COL19A1: variants seen among roughly 807,000 people sequenced by gnomAD.
COL19A1 encodes the protein collagen type XIX alpha 1 chain, also known as collagen alpha-1(XIX) chain.
Under a neutral mutation model 190.2 loss-of-function variants are expected in COL19A1, and 159 were observed. That is an observed-to-expected ratio of 0.84 (90% confidence interval 0.73 to 0.95). The LOEUF (loss-of-function observed/expected upper bound fraction) is 0.95, where lower values mean the gene tolerates loss of function less well. Among genes scored for constraint, COL19A1 ranks in the 40% least tolerant of loss-of-function variants. COL19A1 has a pLI of 0.00. For missense variants in COL19A1, 1,418 were observed against 1,431.9 expected (o/e 0.99, Z 0.16); for synonymous variants, 509 against 458.9 (o/e 1.11, Z -1.39).
intron 1 of COL19A1, among the ~76,000 whole-genome samples, chr6:69,876,513 A>G (rs1329252393): frequency 6.6e-6 from 1 of 152,208 alleles, no homozygotes; most frequent in Non-Finnish European, 1.5e-5. Context: ...TACCTTTTGA[A>G]TATTGACTAA....
At chr6:69,977,736 T>A (rs1030759937) in intron 11 of COL19A1, among the ~76,000 whole-genome samples, 1 of 152,172 alleles carries the variant, frequency 6.6e-6, no homozygotes, top group Non-Finnish European at 1.5e-5. Context: ...ATAATAGATG[T>A]GGCCTCTATC....
intron 11 of COL19A1, among the ~76,000 whole-genome samples, chr6:70,018,910 T>A (rs186441010): frequency 6.6e-6 from 1 of 152,180 alleles, no homozygotes. Context: ...CTACCCCCAT[T>A]TTTCCAGGAT....
intron 39 of COL19A1, 92 bp downstream of exon 39, chr6:70,168,307 G>A (rs151145817): frequency 5.5e-5 from 75 of 1,368,076 alleles, no homozygotes; most frequent in South Asian, 2.5e-4. Flanking sequence ...ACTGAAAAAC[G>A]CATGTTATGA....
At chr6:69,869,563 TG>T (rs1429020142) in intron 1 of COL19A1, among the ~76,000 whole-genome samples, 1 of 150,534 alleles carries the variant, frequency 6.6e-6, no homozygotes, top group Non-Finnish European at 1.5e-5. Flanking sequence ...TGAAAAAAAA[TG>T]GGAAAAAGGA....
intron 2 of COL19A1, among the ~76,000 whole-genome samples, chr6:69,881,911 G>A (rs1768583631): frequency 6.6e-6 from 1 of 152,214 alleles, no homozygotes; most frequent in African/African-American, 2.4e-5. Context: ...GGCCTGGAAG[G>A]AGACCCTTCT....
chr6:69,960,803 G>C (rs1336744543), intron 10 of COL19A1, among the ~76,000 whole-genome samples: 3 of 151,192 alleles, frequency 2.0e-5, no homozygotes, highest in African/African-American at 7.3e-5. Flanking sequence ...ATTTTTTTTT[G>C]TATTTTTTTA....
chr6:70,179,117 G>A (rs1766007681), intron 42 of COL19A1, among the ~76,000 whole-genome samples: 1 of 152,116 alleles, frequency 6.6e-6, no homozygotes, highest in African/African-American at 2.4e-5. Context: ...AACAACTTCA[G>A]CACAGGCAAG....
At chr6:69,960,899 G>A (rs954439167) in intron 10 of COL19A1, among the ~76,000 whole-genome samples, 15 of 152,074 alleles carry the variant, frequency 9.9e-5, no homozygotes, top group Non-Finnish European at 1.9e-4. Flanking sequence ...CCAAAGTGCT[G>A]GGATTACAGG....
intron 2 of COL19A1, chr6:69,890,067 TC>T (rs1435062769): frequency 1.3e-5 from 2 of 152,618 alleles, no homozygotes; most frequent in Non-Finnish European, 2.9e-5. Context: ...AGGAACAAAC[TC>T]CAGACACACC....
chr6:70,170,356 T>C (rs1765424093), intron 40 of COL19A1, among the ~76,000 whole-genome samples: 1 of 152,122 alleles, frequency 6.6e-6, no homozygotes, highest in South Asian at 2.1e-4. Context: ...TTGAGAAGTC[T>C]TTTTGAGGTT....
intron 17 of COL19A1, among the ~76,000 whole-genome samples, chr6:70,129,171 C>T (rs780877971): frequency 4.6e-5 from 7 of 152,052 alleles, no homozygotes; most frequent in African/African-American, 9.7e-5. Context: ...GGTCAGTGGA[C>T]GCAAAAAGCA....
chr6:70,049,557 C>T (rs896663941), intron 14 of COL19A1, among the ~76,000 whole-genome samples: 5 of 151,894 alleles, frequency 3.3e-5, no homozygotes, highest in Non-Finnish European at 7.4e-5. Flanking sequence ...GAGAATAACT[C>T]CTTCTGCCCT....
chr6:70,070,002 G>A (rs1262284984), intron 15 of COL19A1, among the ~76,000 whole-genome samples: 2 of 152,100 alleles, frequency 1.3e-5, no homozygotes, highest in Non-Finnish European at 2.9e-5. Context: ...TGACAACCCT[G>A]TGTAACACCA....
At chr6:69,974,460 T>A (rs1420841900) in intron 11 of COL19A1, among the ~76,000 whole-genome samples, 4 of 152,166 alleles carry the variant, frequency 2.6e-5, no homozygotes, top group Non-Finnish European at 5.9e-5. Context: ...TGTGTACAAA[T>A]GAATCATGCA....
intron 42 of COL19A1, among the ~76,000 whole-genome samples, chr6:70,176,980 C>T (rs1458736627): frequency 6.6e-6 from 1 of 152,182 alleles, no homozygotes; most frequent in East Asian, 1.9e-4. Flanking sequence ...CTGAGTTATT[C>T]CTTAGCCCAG....
chr6:70,097,069 C>A (rs1196983753), intron 15 of COL19A1, among the ~76,000 whole-genome samples: 2 of 152,136 alleles, frequency 1.3e-5, no homozygotes, highest in African/African-American at 2.4e-5. Flanking sequence ...ACAACAAAAA[C>A]CATCTGTCAA....
chr6:69,959,522 C>T (rs918160749), intron 9 of COL19A1, among the ~76,000 whole-genome samples: 1 of 152,072 alleles, frequency 6.6e-6, no homozygotes, highest in Non-Finnish European at 1.5e-5. Context: ...GCTCAAATTC[C>T]AAGTCTACCA....
intron 46 of COL19A1, 96 bp from the exon 47 acceptor site, chr6:70,187,979 C>G: frequency 7.2e-7 from 1 of 1,397,506 alleles, no homozygotes; most frequent in East Asian, 2.4e-5. Context: ...CAAGGCCCAA[C>G]AGCTAATAAG....
intron 14 of COL19A1, among the ~76,000 whole-genome samples, chr6:70,048,148 C>A (rs1039443269): frequency 1.3e-5 from 2 of 152,066 alleles, no homozygotes; most frequent in South Asian, 4.1e-4. Context: ...TGAGAAATTA[C>A]GCACAGAGAG....
Sources: gnomAD v4.1 joint callset for allele counts (sites outside exome capture counted in the v4.1 genomes callset) on GRCh38, gnomAD v4.1.1 for gene constraint, MANE v1.5 for transcripts, NCBI Gene and HGNC (gene_info 2026-07-23, HGNC 2026-07-21) for gene names.